The following PRKDC variants were observed in gnomAD, a reference collection of about 807,000 sequenced individuals.
The protein encoded by PRKDC is protein kinase, DNA-activated, catalytic subunit, also known as DNA-dependent protein kinase catalytic subunit.
PRKDC carries 82 observed loss-of-function variants against 486.9 expected under a neutral mutation model. The observed-to-expected ratio is 0.17, with a 90% CI of 0.14 to 0.20. The LOEUF (loss-of-function observed/expected upper bound fraction) is 0.20. Among genes scored for constraint, PRKDC ranks in the 10% least tolerant of loss-of-function variants. The pLI, the probability that PRKDC is intolerant of heterozygous loss-of-function variation, is 1.00. For synonymous variants in PRKDC, 1,895 were observed against 1,837.0 expected (o/e 1.03, Z -0.81); for missense variants, 4,504 against 5,038.2 (o/e 0.89, Z 3.21).
intron 68 of PRKDC, among the ~76,000 whole-genome samples, chr8:47,814,919 C>A (rs997103789): frequency 6.6e-6 from 1 of 152,088 alleles, no homozygotes; most frequent in African/African-American, 2.4e-5. Flanking sequence ...TCCCAGCACA[C>A]TGGGAGGCTG....
intron 7 of PRKDC, among the ~76,000 whole-genome samples, chr8:47,949,624 A>C (rs1164140328): frequency 6.6e-6 from 1 of 152,224 alleles, no homozygotes; most frequent in Non-Finnish European, 1.5e-5. Flanking sequence ...AACAAACTTA[A>C]AATATGACCG....
chr8:47,844,659 T>TA (rs1244130063), intron 54 of PRKDC, among the ~76,000 whole-genome samples: 4 of 151,322 alleles, frequency 2.6e-5, no homozygotes, highest in East Asian at 1.9e-4. Context: ...CTCAATAAAT[T>TA]AAAAAAAAAT....
intron 70 of PRKDC, among the ~76,000 whole-genome samples, chr8:47,801,464 C>G (rs1396051489): frequency 6.6e-6 from 1 of 152,168 alleles, no homozygotes; most frequent in Non-Finnish European, 1.5e-5. Context: ...TTCTTGAACT[C>G]ACATATTAAT....
chr8:47,782,666 GA>G lies in PRKDC; in HGVS notation c.11176-69del. 4 of 1,496,838 alleles carry G rather than the reference GA, an allele frequency of 2.7e-6. No homozygotes were observed. The highest frequency in any genetic ancestry group is 3.6e-6 in the Non-Finnish European group (4 of 1,108,956). 92.7% of individuals were successfully genotyped at this position (1,496,838 alleles called of 1,614,324 possible). ...GTGTCAAACTCAGAGGGAAAAGCCA[GA>G]GTGGCTGTGAGCATTCCTCCGTGGG... is the stretch of plus-strand genomic sequence containing the variant. On this transcript the variant is annotated intron_variant, in intron 78 of 85. Transcript: ENST00000314191. The surrounding 1 kb of genome is among the most constrained non-coding windows in gnomAD (Gnocchi z 4.9).
chr8:47,806,242 AG>A (rs2087213713), intron 69 of PRKDC, among the ~76,000 whole-genome samples: 1 of 152,192 alleles, frequency 6.6e-6, no homozygotes, highest in Non-Finnish European at 1.5e-5. Flanking sequence ...TAACAATGGC[AG>A]GGAACATGTC....
At chr8:47,798,567 C>A (rs920915696) in intron 72 of PRKDC, among the ~76,000 whole-genome samples, 170 bp from the exon 73 acceptor site, 1 of 152,176 alleles carries the variant, frequency 6.6e-6, no homozygotes, top group Non-Finnish European at 1.5e-5. Flanking sequence ...TTGTATCTAT[C>A]CTGGAGCCAA....
At position 47,849,389 on chromosome 8, in the gene PRKDC, G is replaced by A; in HGVS notation, c.7120C>T (p.Leu2374Phe). ...LNKVTKSFPP[L>F]ADRFMNAVFF... ...CTGGACAGCCCATACCTGTCTGCAA[G>A]AGGAGGGAAGCTCTTGGTCACTTTG... Residue 2374 changes from leucine (L) to phenylalanine (F), a missense_variant, in exon 53 of 86, where the codon CTT becomes TTT. Leu to Phe is a conservative substitution (Grantham distance 22, BLOSUM62 0). Coordinates refer to ENST00000314191, the MANE Select transcript of PRKDC (RefSeq NM_006904.7). 6.2e-7 allele frequency: 1 copy of A among 1,614,042 alleles called. No homozygotes were observed. The highest frequency in any genetic ancestry group is 8.5e-7 in the Non-Finnish European group (1 of 1,179,908).
At position 47,858,984 on chromosome 8, in the gene PRKDC, C is replaced by T. The variant is rs1463966300; in HGVS notation, c.6210G>A (p.Glu2070=). 6.2e-7 allele frequency: 1 copy of T among 1,612,556 alleles called. No individual in the cohort carries two copies. Among genetic ancestry groups the T allele is most frequent in the East Asian group, 2.2e-5 (1 of 44,878 alleles). The change falls in exon 47 of 86, where the codon GAG becomes GAA. Residue 2070 remains glutamate, a splice_region_variant and synonymous_variant. Transcript: ENST00000314191. ...RPATGRFRRR[E]QRDPTVHDDV... The stretch of plus-strand genomic sequence containing the variant: ...CATCATGCACCGTGGGGTCCCGCTG[C>T]TCCTGCGAAAGGGAGGGCCCAGGAG...
intron 52 of PRKDC, among the ~76,000 whole-genome samples, chr8:47,851,181 G>GA (rs1259270373): frequency 1.3e-5 from 2 of 152,076 alleles, no homozygotes; most frequent in African/African-American, 4.8e-5. Flanking sequence ...TTTATATTCA[G>GA]AAAAAAATAC....
At chr8:47,783,581 C>T (rs145843032) in intron 78 of PRKDC, among the ~76,000 whole-genome samples, 161 bp downstream of exon 78, 231 of 151,750 alleles carry the variant, frequency 1.5e-3, no homozygotes, top group Admixed American at 3.5e-3. Context: ...CAGGGCAAGA[C>T]TCCGTCTCAA....
At chr8:47,824,996 A>C (rs2087700603) in intron 63 of PRKDC, among the ~76,000 whole-genome samples, 1 of 152,190 alleles carries the variant, frequency 6.6e-6, no homozygotes, top group South Asian at 2.1e-4. Context: ...AATTCAATAA[A>C]ATCTAGTAGA....
intron 25 of PRKDC, among the ~76,000 whole-genome samples, chr8:47,910,083 T>C (rs964179657): frequency 2.0e-5 from 3 of 152,152 alleles, no homozygotes; most frequent in African/African-American, 7.2e-5. Flanking sequence ...GTCATCACGG[T>C]CCCGGGTGTA....
At chr8:47,870,259 G>A (rs551970186) in intron 40 of PRKDC, among the ~76,000 whole-genome samples, 1 of 152,316 alleles carries the variant, frequency 6.6e-6, no homozygotes, top group East Asian at 1.9e-4. Flanking sequence ...CTGTGCTTCA[G>A]GTCTGACCTC....
At chr8:47,850,797 CCT>C (rs1249211764) in intron 52 of PRKDC, among the ~76,000 whole-genome samples, 3 of 152,118 alleles carry the variant, frequency 2.0e-5, no homozygotes, top group Non-Finnish European at 2.9e-5. Context: ...AGAGTGCGAG[CCT>C]CTCTTACTGA....
chr8:47,944,106 C>CTA, intron 7 of PRKDC, 77 bp from the exon 8 acceptor site: 1 of 1,129,680 alleles, frequency 8.9e-7, no homozygotes, highest in Non-Finnish European at 1.3e-6. Context: ...AGCTTGACAC[C>CTA]TATATTAACC....
chr8:47,811,478 A>C (rs1048961067), intron 68 of PRKDC, among the ~76,000 whole-genome samples: 9 of 152,274 alleles, frequency 5.9e-5, no homozygotes, highest in Non-Finnish European at 1.3e-4. Flanking sequence ...ATAAATGATG[A>C]GTACAGTGTG....
At chr8:47,843,000 G>C (rs1350904142) in intron 54 of PRKDC, among the ~76,000 whole-genome samples, 1 of 152,042 alleles carries the variant, frequency 6.6e-6, no homozygotes, top group African/African-American at 2.4e-5. Flanking sequence ...CCCCATCTCT[G>C]CAAAAATATA....
Position 47,929,986 on chromosome 8 carries a change from T to G in PRKDC, c.1919A>C (p.Glu640Ala), listed in dbSNP as rs773169334. Residue 640 changes from glutamate (E) to alanine (A), a missense_variant, in exon 18 of 86, where the codon GAA becomes GCA. Physicochemically the swap from Glu to Ala is moderately radical, Grantham distance 107. Around this residue, in one of 6 missense-constraint regions of PRKDC, gnomAD observed 1,969 missense variants for 2,068.9 expected, o/e 0.95. Coordinates refer to ENST00000314191, the MANE Select transcript of PRKDC (RefSeq NM_006904.7). ...CREILPEKQA[E>A]FFEPWVYSFS... ...TGAGTACACCCATGGTTCAAAAAAT[T>G]CTGCTTGTTTCTCAGGGAGAATCTC... 1 of 1,605,496 alleles carries G rather than the reference T, an allele frequency of 6.2e-7. No homozygotes were observed. Among genetic ancestry groups the G allele is most frequent in the South Asian group, 1.1e-5 (1 of 88,198 alleles).
intron 54 of PRKDC, among the ~76,000 whole-genome samples, chr8:47,841,021 G>A (rs1401234844): frequency 6.6e-6 from 1 of 152,226 alleles, no homozygotes; most frequent in Non-Finnish European, 1.5e-5. Context: ...TGAAGAGGGA[G>A]GAAGCTGGGA....
Sources: gnomAD v4.1 joint callset for allele counts (sites outside exome capture counted in the v4.1 genomes callset) on GRCh38, gnomAD v4.1.1 for gene constraint, gnomAD v4.1.1 regional missense constraint, Gnocchi (gnomAD v3.1) non-coding constraint, MANE v1.5 for transcripts, NCBI Gene and HGNC (gene_info 2026-07-23, HGNC 2026-07-21) for gene names.